The following MKX variants were observed in gnomAD, a reference collection of about 807,000 sequenced individuals.
The protein encoded by MKX is homeobox protein Mohawk.
A neutral mutation model predicts 36.0 loss-of-function variants in MKX; 13 were observed. That is an observed-to-expected ratio of 0.36 (90% CI 0.24 to 0.57). MKX has a LOEUF of 0.57. Ranked by LOEUF, MKX falls within the 20% of genes least tolerant of loss-of-function variation. The probability of loss-of-function intolerance (pLI) is 0.79; values close to 1 mark genes in which losing one functional copy is unlikely to be tolerated. For synonymous variants in MKX, 176 were observed against 178.3 expected, an observed-to-expected ratio of 0.99 and a Z score of 0.10; for missense variants, 458 against 456.4, an observed-to-expected ratio of 1.00 and a Z score of -0.03.
intron 5 of MKX, among the ~76,000 whole-genome samples, chr10:27,716,141 C>G (rs1836959902): frequency 6.6e-6 from 1 of 152,136 alleles, no homozygotes; most frequent in South Asian, 2.1e-4. Flanking sequence ...ATGTACATCA[C>G]AGAGTTATTG....
intron 5 of MKX, among the ~76,000 whole-genome samples, chr10:27,729,061 C>T (rs1481136562): frequency 1.3e-5 from 2 of 152,188 alleles, no homozygotes; most frequent in Non-Finnish European, 2.9e-5. Context: ...GGGATATTCA[C>T]CTCCATCAAG....
chr10:27,743,364 C>T lies in MKX; in HGVS notation c.52G>A (p.Gly18Arg), dbSNP rs142290472. Residue 18 changes from glycine to arginine, a missense_variant, in exon 2 of 7, where the codon GGA (glycine) becomes AGA (arginine). Around this residue, in one of 3 missense-constraint regions of MKX, gnomAD observed 149 missense variants for 114.3 expected, o/e 1.30. Coordinates refer to ENST00000419761, the MANE Select transcript of MKX (RefSeq NM_173576.3). ...CCCCGCTCCCGCTCCGAGGCGCCTC[C>T]GTCCTCAAACAGCACCGCACCGCTG... ...KLSGAVLFED[G>R]GASERERGGR... The T allele has an allele frequency of 4.4e-6, 7 of 1,577,444 alleles. No homozygotes were observed. Among genetic ancestry groups the T allele is most frequent in the East Asian group, 2.4e-5 (1 of 41,436 alleles).
intron 5 of MKX, among the ~76,000 whole-genome samples, chr10:27,692,644 G>A (rs2492912): frequency 0.8 from 122,280 of 152,204 alleles, 49,180 homozygotes; most frequent in Admixed American, 0.84. Context: ...GGAATCATCA[G>A]AAACTAATTA....
At chr10:27,689,214 A>G (rs554953785) in intron 5 of MKX, among the ~76,000 whole-genome samples, 1 of 152,336 alleles carries the variant, frequency 6.6e-6, no homozygotes, top group East Asian at 1.9e-4. Flanking sequence ...ACAATGAGAG[A>G]GGTGACGCTC....
intron 5 of MKX, among the ~76,000 whole-genome samples, chr10:27,725,613 A>G (rs1834471033): frequency 6.6e-6 from 1 of 151,992 alleles, no homozygotes. Context: ...ACAGAAAAAT[A>G]CCTTCTTAAT....
Position 27,742,163 on chromosome 10 carries a change from G to T in MKX, c.189-659C>A, listed in dbSNP as rs763241141. ...CCGACTAAGGGAGGGTTAAAAGTAC[G>T]GCAAGCTCTGTCCCATCATGTAAGG... On this transcript the variant is annotated intron_variant, in intron 2 of 6. Transcript: ENST00000419761. The surrounding 1 kb of genome is among the most constrained non-coding windows in gnomAD (Gnocchi z 4.2). 1.3e-5 allele frequency among the ~76,000 whole-genome samples: 2 copies of T among 152,178 alleles called. No homozygotes were observed. Among genetic ancestry groups the T allele is most frequent in the African/African-American group, 4.8e-5 (2 of 41,454 alleles).
intron 5 of MKX, among the ~76,000 whole-genome samples, chr10:27,712,072 G>A (rs11015961): frequency 0.24 from 37,170 of 151,902 alleles, 6,696 homozygotes; most frequent in East Asian, 0.49. Flanking sequence ...ATGGGATCCC[G>A]TGGTGCCCCA....
At chr10:27,710,137 G>A (rs1329766217) in intron 5 of MKX, among the ~76,000 whole-genome samples, 1 of 152,170 alleles carries the variant, frequency 6.6e-6, no homozygotes, top group East Asian at 1.9e-4. Flanking sequence ...GAATGAACAA[G>A]TGAACCACTC....
At chr10:27,708,457 C>T (rs770216214) in intron 5 of MKX, among the ~76,000 whole-genome samples, 5 of 152,142 alleles carry the variant, frequency 3.3e-5, no homozygotes, top group East Asian at 3.9e-4. Flanking sequence ...ATAGGCCGGG[C>T]GCGGTTGCTC....
Position 27,743,359 on chromosome 10 carries a change from G to T in MKX, c.57C>A (p.Gly19=), listed in dbSNP as rs372554627. 1 of 1,578,994 alleles carries T rather than the reference G, an allele frequency of 6.3e-7. No homozygotes were observed. Among genetic ancestry groups the T allele is most frequent in the South Asian group, 1.2e-5 (1 of 85,582 alleles). Residue 19 remains glycine (G), a synonymous_variant, in exon 2 of 7, where the codon GGC becomes GGA. Transcript: ENST00000419761. ...GGCCACCCCGCTCCCGCTCCGAGGC[G>T]CCTCCGTCCTCAAACAGCACCGCAC... The part of the protein sequence containing the change: ...LSGAVLFEDG[G]ASERERGGRP...
intron 5 of MKX, among the ~76,000 whole-genome samples, chr10:27,711,767 A>G (rs1373482773): frequency 7.0e-6 from 1 of 142,890 alleles, no homozygotes; most frequent in East Asian, 2.1e-4. Flanking sequence ...TTTTTTTTTA[A>G]TAGAAATGGG....
chr10:27,743,085 C>G (rs1834945920), intron 2 of MKX, 143 bp downstream of exon 2: 1 of 721,450 alleles, frequency 1.4e-6, no homozygotes, highest in South Asian at 3.1e-5. Context: ...TGCGCGAGCC[C>G]TGGAGGGGCA....
chr10:27,695,708 G>C (rs928573215), intron 5 of MKX, among the ~76,000 whole-genome samples: 2 of 152,066 alleles, frequency 1.3e-5, no homozygotes, highest in Non-Finnish European at 2.9e-5. Context: ...ATGAGGAAGG[G>C]CCCTACTAAA....
chr10:27,696,684 A>G (rs1836560486), intron 5 of MKX, among the ~76,000 whole-genome samples: 1 of 152,006 alleles, frequency 6.6e-6, no homozygotes, highest in South Asian at 2.1e-4. Flanking sequence ...CGTGCATACC[A>G]AGGCTAATTC....
Position 27,673,877 on chromosome 10 carries a change from A to C in MKX, c.*1352T>G, listed in dbSNP as rs904755884. Reference sequence around the variant, plus strand: ...CACTGACAAAAATGCTTTCCAGTTTAAAAAAAAAATAGATTACATACCCAG... The same window carrying C: ...CACTGACAAAAATGCTTTCCAGTTTCAAAAAAAAATAGATTACATACCCAG... On this transcript the variant is annotated 3_prime_UTR_variant, in exon 7 of 7. Coordinates refer to ENST00000419761, the MANE Select transcript of MKX (RefSeq NM_173576.3). The C allele has an allele frequency of 6.7e-6, 1 of 149,570 alleles. No homozygotes were observed. The highest frequency in any genetic ancestry group is 1.9e-4 in the East Asian group (1 of 5,164). The allele number at this position is 149,570 out of a possible 1,614,324, so 9.3% of individuals were successfully genotyped here.
rs542337015 is a variant in MKX at position 27,730,309 on chromosome 10, T to A, written c.838+4147A>T. Among the ~76,000 whole-genome samples the A allele has an allele frequency of 3.9e-5, 6 of 152,338 alleles. No homozygotes were observed. In the South Asian group the frequency reaches 1.2e-3, roughly 32 times the overall value. ...TGTCTATGTAAAATCAATAAAAATA[T>A]GTTTGCATTTGCTTTGATGTTTCTA... On this transcript the variant is annotated intron_variant, in intron 5 of 6. Transcript: ENST00000419761.
rs1264197712 is a variant in MKX at position 27,673,149 on chromosome 10, C to T, written c.*2080G>A. The T allele has an allele frequency of 3.3e-5, 5 of 152,088 alleles. No individual in the cohort carries two copies. Among genetic ancestry groups the T allele is most frequent in the African/African-American group, 1.2e-4 (5 of 41,418 alleles). 9.4% of individuals were successfully genotyped at this position (152,088 alleles called of 1,614,324 possible). ...AATTGGAGATATTACCAAGGATGTG[C>T]TTACTATAAAGTCTTCTTGACATGT... On this transcript the variant is annotated 3_prime_UTR_variant, in exon 7 of 7. Coordinates refer to ENST00000419761, the MANE Select transcript of MKX (RefSeq NM_173576.3).
Position 27,741,488 on chromosome 10 carries a change from C to A in MKX, c.205G>T (p.Gly69Trp). The A allele has an allele frequency of 6.3e-7, 1 of 1,593,960 alleles. No individual in the cohort carries two copies. The highest frequency in any genetic ancestry group is 8.5e-7 in the Non-Finnish European group (1 of 1,172,240). ...HRRTGARQNG[G>W]KVRHKRQALQ... Reference sequence around the variant, plus strand: ...GCCTGCCGCTTGTGCCTCACCTTCCCGCCATTCTGCCGGGCGCTGGGACAT... The same window carrying A: ...GCCTGCCGCTTGTGCCTCACCTTCCAGCCATTCTGCCGGGCGCTGGGACAT... Residue 69 changes from glycine to tryptophan, a missense_variant, in exon 3 of 7, where the codon GGG (glycine) becomes TGG (tryptophan). This residue lies in a region of MKX where 149 missense variants were observed against 114.3 expected (regional missense o/e 1.30). Coordinates refer to ENST00000419761, the MANE Select transcript of MKX (RefSeq NM_173576.3). This position sits in a 1 kb window ranked among gnomAD's most constrained non-coding sequence, Gnocchi z 5.1.
At position 27,744,319 on chromosome 10, in the gene MKX, C is replaced by T. The variant is rs1439151410; in HGVS notation, c.-82-822G>A. On this transcript the variant is annotated intron_variant, in intron 1 of 6. Transcript: ENST00000419761. The surrounding 1 kb of genome is among the most constrained non-coding windows in gnomAD (Gnocchi z 5.6). ...GCGGGTGTCAGCCGCGAGCTCGTAG[C>T]CCCTCGACACCCGCCTCTCTCTGGG... Among the ~76,000 whole-genome samples the T allele has an allele frequency of 6.6e-6, 1 of 152,102 alleles. No homozygotes were observed. Among genetic ancestry groups the T allele is most frequent in the Non-Finnish European group, 1.5e-5 (1 of 68,002 alleles).
Sources: gnomAD v4.1 joint callset for allele counts (sites outside exome capture counted in the v4.1 genomes callset) on GRCh38, gnomAD v4.1.1 for gene constraint, gnomAD v4.1.1 regional missense constraint, Gnocchi (gnomAD v3.1) non-coding constraint, MANE v1.5 for transcripts, NCBI Gene and HGNC (gene_info 2026-07-23, HGNC 2026-07-21) for gene names.